Variants in KMT5B observed in about 807,000 individuals in gnomAD.
KMT5B encodes the protein histone-lysine N-methyltransferase KMT5B.
Under a neutral mutation model 83.2 loss-of-function variants are expected in KMT5B, and 10 were observed. The observed-to-expected ratio is 0.12, with a 90% confidence interval of 0.07 to 0.20. The LOEUF is 0.20. KMT5B is among the 10% of genes least tolerant of loss of function. The probability of loss-of-function intolerance (pLI) is 1.00; values close to 1 mark genes in which losing one functional copy is unlikely to be tolerated. For synonymous variants in KMT5B, 349 were observed against 388.8 expected (o/e 0.90, Z 1.20); for missense variants, 753 against 1,067.2 (o/e 0.71, Z 4.10).
chr11:68,197,017 T>C (rs950322751), intron 1 of KMT5B, among the ~76,000 whole-genome samples: 1 of 151,944 alleles, frequency 6.6e-6, no homozygotes, highest in Non-Finnish European at 1.5e-5. Flanking sequence ...TGTCCCCAAG[T>C]TAGAGTGCAG....
At chr11:68,162,391 T>C (rs921943931) in intron 10 of KMT5B, among the ~76,000 whole-genome samples, 11 of 152,214 alleles carry the variant, frequency 7.2e-5, no homozygotes, top group South Asian at 4.1e-4. Flanking sequence ...CCTCTGTCTA[T>C]AGAGCTGTCT....
chr11:68,173,554 A>G (rs1856050545), intron 6 of KMT5B, among the ~76,000 whole-genome samples: 1 of 152,054 alleles, frequency 6.6e-6, no homozygotes, highest in South Asian at 2.1e-4. Context: ...CAATCATATC[A>G]CTGAACAGGC....
intron 3 of KMT5B, 82 bp from the exon 4 acceptor site, chr11:68,180,282 T>A: frequency 6.7e-7 from 1 of 1,494,414 alleles, no homozygotes; most frequent in East Asian, 2.5e-5. Flanking sequence ...AGACTTACAA[T>A]ATTCGTTGTT....
rs370060906 is a variant in KMT5B at position 68,165,966 on chromosome 11, A to T, written c.1174+1016T>A. 15 of 1,612,780 alleles carry T rather than the reference A, an allele frequency of 9.3e-6. No individual in the cohort carries two copies. In the African/African-American group the frequency reaches 2.0e-4, roughly 22 times the overall value. On this transcript the variant is annotated intron_variant, in intron 10 of 10. Coordinates refer to ENST00000304363, the MANE Select transcript of KMT5B (RefSeq NM_017635.5). ...AGGATTCTCTGTAGTGGAAGAGAGC[A>T]CCCAGTGTTGGGCTGAAAACATCTG...
intron 1 of KMT5B, among the ~76,000 whole-genome samples, 168 bp downstream of exon 1, chr11:68,212,970 G>A (rs1861140087): frequency 2.2e-5 from 3 of 137,090 alleles, no homozygotes; most frequent in Non-Finnish European, 3.2e-5. Context: ...CCCGGCCGCA[G>A]CCCCGCCCCC....
intron 4 of KMT5B, among the ~76,000 whole-genome samples, chr11:68,176,892 G>A (rs1753428627): frequency 6.6e-6 from 1 of 152,124 alleles, no homozygotes; most frequent in Non-Finnish European, 1.5e-5. Context: ...ATCTTTATGT[G>A]TCTTACTCTG....
intron 4 of KMT5B, chr11:68,179,618 T>G: frequency 7.9e-7 from 1 of 1,269,810 alleles, no homozygotes; most frequent in East Asian, 5.7e-5. Context: ...AAGAGCTGAC[T>G]GGAGGGGTGG....
Position 68,155,734 on chromosome 11 carries a change from G to A in KMT5B, c.*1954C>T, listed in dbSNP as rs1346007539. On this transcript the variant is annotated 3_prime_UTR_variant, in exon 11 of 11. Transcript: ENST00000304363. ...GGACGTGCTCTGCAAAGTGCTCCGGGTGCCTCGGACAGGTGCTCCTGAGAG... is the reference window on the plus strand; with the variant it reads ...GGACGTGCTCTGCAAAGTGCTCCGGATGCCTCGGACAGGTGCTCCTGAGAG... The A allele has an allele frequency of 6.6e-6, 1 of 152,238 alleles. No homozygotes were observed. Among genetic ancestry groups the A allele is most frequent in the Non-Finnish European group, 1.5e-5 (1 of 68,132 alleles). The allele number at this position is 152,238 out of a possible 1,614,324, so 9.4% of individuals were successfully genotyped here. A position where few individuals can be genotyped will look rare whatever the true frequency, so the allele number is the denominator to read the frequency against.
At chr11:68,181,850 A>G (rs1856962419) in intron 3 of KMT5B, among the ~76,000 whole-genome samples, 2 of 152,214 alleles carry the variant, frequency 1.3e-5, no homozygotes, top group African/African-American at 4.8e-5. Flanking sequence ...AGAGTGTAAA[A>G]GCACACGTAA....
At chr11:68,188,397 T>A (rs1395614728) in intron 2 of KMT5B, among the ~76,000 whole-genome samples, 1 of 150,920 alleles carries the variant, frequency 6.6e-6, no homozygotes, top group African/African-American at 2.4e-5. Context: ...CATGCTGGAG[T>A]GCAGTGGTGT....
chr11:68,199,924 T>C (rs1470875931), intron 1 of KMT5B, among the ~76,000 whole-genome samples: 1 of 152,218 alleles, frequency 6.6e-6, no homozygotes, highest in Non-Finnish European at 1.5e-5. Flanking sequence ...TATTTAGGGA[T>C]GTGACAAAGA....
At chr11:68,199,872 A>G (rs1859208302) in intron 1 of KMT5B, among the ~76,000 whole-genome samples, 1 of 152,168 alleles carries the variant, frequency 6.6e-6, no homozygotes, top group South Asian at 2.1e-4. Flanking sequence ...GGTGTAGGAG[A>G]AAGAGGACTC....
intron 1 of KMT5B, among the ~76,000 whole-genome samples, chr11:68,200,399 C>T (rs1237307976): frequency 6.6e-6 from 1 of 152,190 alleles, no homozygotes; most frequent in Non-Finnish European, 1.5e-5. Flanking sequence ...TTTTATGAGT[C>T]TAAACTCGTG....
At chr11:68,207,461 T>G (rs1221155306) in intron 1 of KMT5B, among the ~76,000 whole-genome samples, 1 of 151,780 alleles carries the variant, frequency 6.6e-6, no homozygotes, top group Non-Finnish European at 1.5e-5. Context: ...TGAAGTGAAG[T>G]CCAGGCTGAG....
chr11:68,165,000 A>T (rs1014993092), intron 10 of KMT5B, among the ~76,000 whole-genome samples: 1 of 152,206 alleles, frequency 6.6e-6, no homozygotes. Flanking sequence ...TTAATAGTTA[A>T]ATATTAGTAC....
At chr11:68,202,776 T>C (rs1336012762) in intron 1 of KMT5B, among the ~76,000 whole-genome samples, 1 of 152,102 alleles carries the variant, frequency 6.6e-6, no homozygotes, top group Non-Finnish European at 1.5e-5. Context: ...CTTGAACTCT[T>C]GACCTCGTGA....
intron 1 of KMT5B, among the ~76,000 whole-genome samples, chr11:68,203,692 C>T (rs776513853): frequency 6.6e-6 from 1 of 152,122 alleles, no homozygotes; most frequent in Non-Finnish European, 1.5e-5. Context: ...TTAAAACTTG[C>T]TCCTATAAAC....
At chr11:68,186,763 A>C (rs1037700602) in intron 2 of KMT5B, among the ~76,000 whole-genome samples, 1 of 152,248 alleles carries the variant, frequency 6.6e-6, no homozygotes, top group Non-Finnish European at 1.5e-5. Flanking sequence ...ACAGCAATGT[A>C]ACTTTCAGGC....
At chr11:68,177,472 G>C (rs926400433) in intron 4 of KMT5B, among the ~76,000 whole-genome samples, 3 of 152,038 alleles carry the variant, frequency 2.0e-5, no homozygotes, top group African/African-American at 7.2e-5. Context: ...GAAGAGGAAA[G>C]ACATGAGGTC....
Sources: gnomAD v4.1 joint callset for allele counts (sites outside exome capture counted in the v4.1 genomes callset) on GRCh38, gnomAD v4.1.1 for gene constraint, MANE v1.5 for transcripts, NCBI Gene and HGNC (gene_info 2026-07-23, HGNC 2026-07-21) for gene names.